ZNF543: variants seen among roughly 807,000 people sequenced by gnomAD.
ZNF543 encodes the protein zinc finger protein 543.
ZNF543 carries 10 observed loss-of-function variants against 13.4 expected under a neutral mutation model. The ratio of observed to expected loss-of-function variants is 0.75; its 90% CI spans 0.46 to 1.26. ZNF543 has a LOEUF of 1.26. ZNF543 is among the 50% of genes most tolerant of loss of function. The pLI, the probability that ZNF543 is intolerant of heterozygous loss-of-function variation, is 0.00. For missense variants in ZNF543, 768 were observed against 741.2 expected, an observed-to-expected ratio of 1.04 and a Z score of -0.42; for synonymous variants, 272 against 264.7, an observed-to-expected ratio of 1.03 and a Z score of -0.27.
At chr19:57,326,562 C>A in intron 2 of ZNF543, 71 bp from the exon 3 acceptor site, 2 of 1,200,232 alleles carry the variant, frequency 1.7e-6, no homozygotes, top group Non-Finnish European at 2.5e-6. Flanking sequence ...ATCCTGCAGT[C>A]CCAGATCAGA....
intron 1 of ZNF543, among the ~76,000 whole-genome samples, chr19:57,323,413 C>T (rs933147048): frequency 5.3e-5 from 8 of 152,004 alleles, no homozygotes; most frequent in South Asian, 2.1e-4. Flanking sequence ...AGGATGGTCT[C>T]GATCTCCTGA....
Position 57,323,737 on chromosome 19 carries a change from A to G in ZNF543, c.74A>G (p.Gln25Arg). Residue 25 changes from glutamine to arginine, a missense_variant, in exon 2 of 4, where the codon CAG (glutamine) becomes CGG (arginine). Gln to Arg is a conservative substitution (Grantham distance 43). Around this residue, in one of 3 missense-constraint regions of ZNF543, gnomAD observed 77 missense variants for 75.5 expected, o/e 1.02. Transcript: ENST00000321545. The part of the protein sequence containing the change: ...AVTFTQEEWG[Q>R]LDAAQRTLYQ... ...ACATTCACCCAGGAGGAGTGGGGACAGTTGGATGCAGCCCAGAGAACCTTG... is the reference window on the plus strand; with the variant it reads ...ACATTCACCCAGGAGGAGTGGGGACGGTTGGATGCAGCCCAGAGAACCTTG... The G allele has an allele frequency of 6.2e-7, 1 of 1,613,808 alleles. No individual in the cohort carries two copies. The highest frequency in any genetic ancestry group is 8.5e-7 in the Non-Finnish European group (1 of 1,179,784).
rs201305922 is a variant in ZNF543 at position 57,328,820 on chromosome 19, G to A, written c.1358G>A (p.Cys453Tyr). ...CACACAGGAGAAAAACCCTATGAATGCAAAGAATGTGGAAAAGCCTTTAGT... is the reference window on the plus strand; with the variant it reads ...CACACAGGAGAAAAACCCTATGAATACAAAGAATGTGGAAAAGCCTTTAGT... ...RTHTGEKPYECKECGKAFSDR... is the reference protein window; with the variant it reads ...RTHTGEKPYEYKECGKAFSDR... Residue 453 changes from cysteine (C) to tyrosine (Y), a missense_variant, in exon 4 of 4, where the codon TGC (cysteine) becomes TAC (tyrosine). Physicochemically the swap from Cys to Tyr is radical, Grantham distance 194 (BLOSUM62 -2). Around this residue, in one of 3 missense-constraint regions of ZNF543, gnomAD observed 677 missense variants for 631.4 expected, o/e 1.07. Coordinates refer to ENST00000321545, the MANE Select transcript of ZNF543 (RefSeq NM_213598.4). 6.2e-7 allele frequency: 1 copy of A among 1,614,010 alleles called. No individual in the cohort carries two copies. The highest frequency in any genetic ancestry group is 1.7e-5 in the Admixed American group (1 of 60,006).
rs774764314 is a variant in ZNF543, at chr19:57,323,709, G to C, written c.46G>C (p.Val16Leu). ...GTCTGTGACCTTTGAGGATGTGGCT[G>C]TGACATTCACCCAGGAGGAGTGGGG... ...QVSVTFEDVA[V>L]TFTQEEWGQL... Residue 16 changes from valine (V) to leucine (L), a missense_variant, in exon 2 of 4, where the codon GTG becomes CTG. Val to Leu is a conservative substitution (Grantham distance 32, BLOSUM62 1). Around this residue, in one of 3 missense-constraint regions of ZNF543, gnomAD observed 77 missense variants for 75.5 expected, o/e 1.02. Coordinates refer to ENST00000321545, the MANE Select transcript of ZNF543 (RefSeq NM_213598.4). 6.2e-7 allele frequency: 1 copy of C among 1,613,604 alleles called. No individual in the cohort carries two copies. Among genetic ancestry groups the C allele is most frequent in the Non-Finnish European group, 8.5e-7 (1 of 1,179,668 alleles).
chr19:57,324,257 A>G (rs984466946), intron 2 of ZNF543, among the ~76,000 whole-genome samples: 2 of 150,884 alleles, frequency 1.3e-5, no homozygotes, highest in Non-Finnish European at 3.0e-5. Context: ...AGGCTGAGGC[A>G]GGAGAATCAC....
chr19:57,328,111 C>T lies in ZNF543; in HGVS notation c.649C>T (p.His217Tyr). ...VFKKNALLVQ[H>Y]ERIHTQVKPY... is the part of the protein sequence containing the mutation. ...TAAAAAGAATGCCCTCCTTGTTCAG[C>T]ATGAACGGATTCACACTCAAGTGAA... The change falls in exon 4 of 4, where the codon CAT (histidine) becomes TAT (tyrosine). Residue 217 changes from histidine (H) to tyrosine (Y), a missense_variant. Transcript: ENST00000321545. The T allele has an allele frequency of 6.2e-7, 1 of 1,614,234 alleles. No individual in the cohort carries two copies. Among genetic ancestry groups the T allele is most frequent in the Non-Finnish European group, 8.5e-7 (1 of 1,180,040 alleles).
intron 1 of ZNF543, among the ~76,000 whole-genome samples, chr19:57,322,508 A>G (rs2088096274): frequency 6.6e-6 from 1 of 151,988 alleles, no homozygotes; most frequent in South Asian, 2.1e-4. Context: ...AATCCTGAAA[A>G]TATTTTCAGG....
intron 2 of ZNF543, among the ~76,000 whole-genome samples, chr19:57,324,507 C>G (rs2088109865): frequency 6.6e-6 from 1 of 152,176 alleles, no homozygotes; most frequent in South Asian, 2.1e-4. Flanking sequence ...CTGTCTAAAT[C>G]ATTGTCCTCA....
intron 2 of ZNF543, among the ~76,000 whole-genome samples, chr19:57,325,171 G>T (rs1467204892): frequency 6.6e-6 from 1 of 152,180 alleles, no homozygotes; most frequent in Non-Finnish European, 1.5e-5. Context: ...CAAGTAGGCA[G>T]GCTGGCATGT....
In ZNF543 at chr19:57,328,849, A is replaced by G. The variant is rs771567193; in HGVS notation, c.1387A>G (p.Arg463Gly). Reference protein sequence around the residue: ...CKECGKAFSDRADLIRHFSIH... With the variant: ...CKECGKAFSDGADLIRHFSIH... The stretch of plus-strand genomic sequence containing the variant: ...AGAATGTGGAAAAGCCTTTAGTGAT[A>G]GGGCAGACCTCATTCGCCACTTCAG... Residue 463 changes from arginine to glycine, a missense_variant, in exon 4 of 4, where the codon AGG (arginine) becomes GGG (glycine). By Grantham distance (125) the Arg-to-Gly change is moderately radical. This residue lies in a region of ZNF543 where 677 missense variants were observed against 631.4 expected (regional missense o/e 1.07). Transcript: ENST00000321545. The G allele has an allele frequency of 1.2e-6, 2 of 1,614,102 alleles. No individual in the cohort carries two copies. Among genetic ancestry groups the G allele is most frequent in the Non-Finnish European group, 1.7e-6 (2 of 1,180,026 alleles).
intron 1 of ZNF543, among the ~76,000 whole-genome samples, chr19:57,321,096 C>T (rs1372433096): frequency 6.6e-6 from 1 of 152,190 alleles, no homozygotes; most frequent in Non-Finnish European, 1.5e-5. Context: ...CTTCATGGAT[C>T]TCATCACACT....
chr19:57,329,569 G>A lies in ZNF543; in HGVS notation c.*304G>A, dbSNP rs1319755430. On this transcript the variant is annotated 3_prime_UTR_variant, in exon 4 of 4. Transcript: ENST00000321545. The stretch of plus-strand genomic sequence containing the variant: ...GCTCTGTCGCCCAGGCTGGAGTGCA[G>A]TGGCGGGATCTCGGCTCACTGCAAG... 4.6e-6 allele frequency: 1 copy of A among 217,826 alleles called. No individual in the cohort carries two copies. Among genetic ancestry groups the A allele is most frequent in the African/African-American group, 2.4e-5 (1 of 42,414 alleles). The allele number at this position is 217,826 out of a possible 1,614,324, so 13.5% of individuals were successfully genotyped here.
Position 57,329,355 on chromosome 19 carries a change from TGTC to T in ZNF543, c.*94_*96del. 1 of 1,480,074 alleles carries T rather than the reference TGTC, an allele frequency of 6.8e-7. No individual in the cohort carries two copies. The highest frequency in any genetic ancestry group is 1.4e-5 in the African/African-American group (1 of 71,294). 91.7% of individuals were successfully genotyped at this position (1,480,074 alleles called of 1,614,324 possible). A position where few individuals can be genotyped will look rare whatever the true frequency, so the allele number is the denominator to read the frequency against. Reference sequence around the variant, plus strand: ...AGAAAACGTGTAATAGATGATCATTTGTCGTCTAAACAATCAAGTTAGAAATTG... The same window carrying T: ...AGAAAACGTGTAATAGATGATCATTTGTCTAAACAATCAAGTTAGAAATTG... On this transcript the variant is annotated 3_prime_UTR_variant, in exon 4 of 4. Transcript: ENST00000321545.
chr19:57,329,135 C>A lies in ZNF543; in HGVS notation c.1673C>A (p.Thr558Asn), dbSNP rs369788236. ...CTCACACATCATCAAAGGATTCATA[C>A]TGGGAGAAACCCTACCATTGTAACA... is the stretch of plus-strand genomic sequence containing the variant. Reference protein sequence around the residue: ...SSLTHHQRIHTGRNPTIVTDV... With the variant: ...SSLTHHQRIHNGRNPTIVTDV... The change falls in exon 4 of 4, where the codon ACT becomes AAT. Residue 558 changes from threonine (T) to asparagine (N), a missense_variant. Physicochemically the swap from Thr to Asn is moderately conservative, Grantham distance 65. This residue lies in a region of ZNF543 where 677 missense variants were observed against 631.4 expected (regional missense o/e 1.07). Coordinates refer to ENST00000321545, the MANE Select transcript of ZNF543 (RefSeq NM_213598.4). 2 of 1,614,214 alleles carry A rather than the reference C, an allele frequency of 1.2e-6. No individual in the cohort carries two copies. Among genetic ancestry groups the A allele is most frequent in the Non-Finnish European group, 1.7e-6 (2 of 1,180,030 alleles).
intron 1 of ZNF543, 48 bp from the exon 2 acceptor site, chr19:57,323,634 A>G (rs370940454): frequency 4.4e-6 from 7 of 1,603,196 alleles, no homozygotes; most frequent in Non-Finnish European, 5.1e-6. Context: ...TTCTAGTTGT[A>G]TTCCACAGTT....
At position 57,330,747 on chromosome 19, in the gene ZNF543, AAAT is replaced by A. The variant is rs2088158098; in HGVS notation, c.*1486_*1488del. Reference sequence around the variant, plus strand: ...TATTAAATATATTGTACAGAAGTAAAAATAATCATGTATTCACTTTGAACTCCT... The same window carrying A: ...TATTAAATATATTGTACAGAAGTAAAAATCATGTATTCACTTTGAACTCCT... On this transcript the variant is annotated 3_prime_UTR_variant, in exon 4 of 4. Transcript: ENST00000321545. 1 of 152,100 alleles carries A rather than the reference AAAT, an allele frequency of 6.6e-6. No individual in the cohort carries two copies. The highest frequency in any genetic ancestry group is 1.5e-5 in the Non-Finnish European group (1 of 68,028). The allele number at this position is 152,100 out of a possible 1,614,324, so 9.4% of individuals were successfully genotyped here. A position where few individuals can be genotyped will look rare whatever the true frequency, so the allele number is the denominator to read the frequency against.
In ZNF543 at chr19:57,323,789, C is replaced by T. The variant is rs748635369; in HGVS notation, c.126C>T (p.Cys42=). The part of the protein sequence containing the change: ...TLYQEVMLET[C]GLLMSLGCPL... ...ATCAGGAGGTGATGCTGGAGACCTG[C>T]GGACTTCTCATGTCTCTGGGTAAGG... The change falls in exon 2 of 4, where the codon TGC becomes TGT. Residue 42 remains cysteine, a synonymous_variant. Transcript: ENST00000321545. 71 of 1,612,768 alleles carry T rather than the reference C, an allele frequency of 4.4e-5. No individual in the cohort carries two copies. The highest frequency in any genetic ancestry group is 5.5e-5 in the Non-Finnish European group (65 of 1,179,210).
Position 57,326,745 on chromosome 19 carries a change from G to A in ZNF543, c.241+17G>A. The A allele has an allele frequency of 1.2e-6, 2 of 1,600,432 alleles. No individual in the cohort carries two copies. The highest frequency in any genetic ancestry group is 1.7e-6 in the Non-Finnish European group (2 of 1,168,888). On this transcript the variant is annotated intron_variant, in intron 3 of 3. Coordinates refer to ENST00000321545, the MANE Select transcript of ZNF543 (RefSeq NM_213598.4). The stretch of plus-strand genomic sequence containing the variant: ...CCTATCCAGGTAGGAGCCAACAGCT[G>A]GGAAGGTGGGGGTCATGGCAGCTTA...
chr19:57,327,640 T>C, intron 3 of ZNF543, 64 bp from the exon 4 acceptor site: 2 of 1,530,960 alleles, frequency 1.3e-6, no homozygotes, highest in Non-Finnish European at 1.7e-6. Flanking sequence ...TCACTGTCCC[T>C]GGCCTTTGTT....
Sources: allele counts gnomAD v4.1 joint callset (sites outside exome capture counted in the v4.1 genomes callset), GRCh38; gene constraint gnomAD v4.1.1; regional missense constraint gnomAD v4.1.1; transcripts MANE v1.5; gene names NCBI Gene and HGNC (gene_info 2026-07-23, HGNC 2026-07-21).